FILIP1: variants seen among roughly 807,000 people sequenced by gnomAD.
FILIP1 encodes filamin-A-interacting protein 1.
A neutral mutation model predicts 102.1 loss-of-function variants in FILIP1; 61 were observed. The ratio of observed to expected loss-of-function variants is 0.60; its 90% CI spans 0.49 to 0.74. The LOEUF is 0.74. Ranked by LOEUF, FILIP1 falls within the 30% of genes least tolerant of loss-of-function variation. The pLI is 0.00. For missense variants in FILIP1, 1,314 were observed against 1,441.2 expected (o/e 0.91, Z 1.43); for synonymous variants, 491 against 526.9 (o/e 0.93, Z 0.93).
intron 1 of FILIP1, among the ~76,000 whole-genome samples, chr6:75,442,243 G>A (rs1002646342): frequency 9.2e-5 from 14 of 151,796 alleles, no homozygotes; most frequent in African/African-American, 3.1e-4. Context: ...GATGGTGGCC[G>A]GGCAGAGACG....
chr6:75,427,782 C>T (rs1223790652), intron 1 of FILIP1, among the ~76,000 whole-genome samples: 1 of 152,084 alleles, frequency 6.6e-6, no homozygotes, highest in Non-Finnish European at 1.5e-5. Context: ...GAAATGTGCC[C>T]CAAGCCCAAA....
At chr6:75,362,148 G>C (rs1314364647) in intron 3 of FILIP1, 1 of 152,152 alleles carries the variant, frequency 6.6e-6, no homozygotes, top group East Asian at 1.9e-4. Context: ...TCAAACTTCT[G>C]CTACAATGTG....
intron 1 of FILIP1, among the ~76,000 whole-genome samples, chr6:75,488,121 G>A (rs1203826391): frequency 6.6e-6 from 1 of 151,958 alleles, no homozygotes; most frequent in African/African-American, 2.4e-5. Flanking sequence ...CCAAAAATGG[G>A]AAAAAAACCC....
chr6:75,331,052 T>C (rs1320367101), intron 4 of FILIP1, among the ~76,000 whole-genome samples: 1 of 152,188 alleles, frequency 6.6e-6, no homozygotes, highest in Admixed American at 6.5e-5. Context: ...TTTCTTACTA[T>C]CAGGTAAGCA....
In FILIP1 at chr6:75,314,681, C is replaced by T. The variant is rs147080592; in HGVS notation, c.1151G>A (p.Arg384Gln). The change falls in exon 5 of 6, where the codon CGA (arginine) becomes CAA (glutamine). Residue 384 changes from arginine (R) to glutamine (Q), a missense_variant. Physicochemically the swap from Arg to Gln is conservative, Grantham distance 43. Around this residue, in one of 3 missense-constraint regions of FILIP1, gnomAD observed 494 missense variants for 511.2 expected, o/e 0.97. Coordinates refer to ENST00000237172, the MANE Select transcript of FILIP1 (RefSeq NM_015687.5). Reference sequence around the variant, plus strand: ...ACCTTCCATTTCAAGCACACGCTTTCGAAGATTTTCCACTTCTGCCATGAG... The same window carrying T: ...ACCTTCCATTTCAAGCACACGCTTTTGAAGATTTTCCACTTCTGCCATGAG... ...SSLMAEVENL[R>Q]KRVLEMEGKD... The T allele has an allele frequency of 2.4e-5, 38 of 1,613,688 alleles. No individual in the cohort carries two copies. Among genetic ancestry groups the T allele is most frequent in the Admixed American group, 8.3e-5 (5 of 59,932 alleles).
At chr6:75,421,507 A>G (rs1777464129) in intron 1 of FILIP1, among the ~76,000 whole-genome samples, 2 of 152,092 alleles carry the variant, frequency 1.3e-5, no homozygotes, top group Non-Finnish European at 2.9e-5. Flanking sequence ...CGGATCCCTC[A>G]AACTTGAGGC....
chr6:75,392,762 T>C (rs962646384), intron 2 of FILIP1, among the ~76,000 whole-genome samples: 3 of 152,156 alleles, frequency 2.0e-5, no homozygotes, highest in Admixed American at 2.0e-4. Flanking sequence ...GGTTGAATCA[T>C]GGGGGCAGGT....
chr6:75,332,086 A>G (rs1395474165), intron 4 of FILIP1, among the ~76,000 whole-genome samples: 2 of 152,086 alleles, frequency 1.3e-5, no homozygotes, highest in Non-Finnish European at 2.9e-5. Flanking sequence ...CTGTGAGAAA[A>G]AAAGATTTTG....
intron 1 of FILIP1, among the ~76,000 whole-genome samples, chr6:75,436,919 T>C (rs900574589): frequency 6.6e-6 from 1 of 152,160 alleles, no homozygotes; most frequent in Non-Finnish European, 1.5e-5. Flanking sequence ...GCTACCAGCA[T>C]GACATTACTG....
intron 1 of FILIP1, among the ~76,000 whole-genome samples, chr6:75,446,838 G>T (rs1417214697): frequency 6.6e-6 from 1 of 152,126 alleles, no homozygotes; most frequent in African/African-American, 2.4e-5. Context: ...TGGGGAGTTG[G>T]ATTTTTTACA....
At chr6:75,407,731 C>G (rs1776923675) in intron 2 of FILIP1, among the ~76,000 whole-genome samples, 1 of 151,972 alleles carries the variant, frequency 6.6e-6, no homozygotes, top group Non-Finnish European at 1.5e-5. Context: ...TATACACAGG[C>G]AGAAGGGAGC....
chr6:75,370,521 T>C (rs1028381935), intron 2 of FILIP1, among the ~76,000 whole-genome samples: 4 of 151,454 alleles, frequency 2.6e-5, no homozygotes, highest in African/African-American at 7.3e-5. Flanking sequence ...TTTGTCAACC[T>C]CTTTACTCTT....
intron 1 of FILIP1, among the ~76,000 whole-genome samples, chr6:75,479,303 G>C (rs542406888): frequency 1.3e-5 from 2 of 152,058 alleles, no homozygotes; most frequent in East Asian, 3.9e-4. Flanking sequence ...TTTTTCTTCT[G>C]ATTATAAGGA....
chr6:75,435,183 C>T (rs187072484), intron 1 of FILIP1, among the ~76,000 whole-genome samples: 13 of 152,162 alleles, frequency 8.5e-5, no homozygotes, highest in Non-Finnish European at 1.8e-4. Context: ...TTTGGTATCA[C>T]GATAATGCTG....
At position 75,362,855 on chromosome 6, in the gene FILIP1, A is replaced by G; in HGVS notation, c.339T>C (p.Ala113=). The change falls in exon 3 of 6, where the codon GCT becomes GCC. Residue 113 remains alanine (A), a synonymous_variant. Coordinates refer to ENST00000237172, the MANE Select transcript of FILIP1 (RefSeq NM_015687.5). ...TEKTKPEVLE[A]HYGSAEPEKV... ...TCTCTGGCTCCGCAGACCCGTAATG[A>G]GCCTCCAGAACCTCAGGCTTGGTTT... 3.1e-6 allele frequency: 5 copies of G among 1,613,968 alleles called. No individual in the cohort carries two copies. The East Asian group carries it at 1.1e-4, about 36-fold the overall frequency.
rs1453004781 is a variant in FILIP1, at chr6:75,450,184, C to G, written c.-6-35206G>C. Among the ~76,000 whole-genome samples, 3 of 152,056 alleles carry G rather than the reference C, an allele frequency of 2.0e-5. 1 individual carries two copies. The highest frequency in any genetic ancestry group is 4.4e-5 in the Non-Finnish European group (3 of 67,996). On this transcript the variant is annotated intron_variant, in intron 1 of 5. Coordinates refer to ENST00000237172, the MANE Select transcript of FILIP1 (RefSeq NM_015687.5). ...CGGGTGGAGGGATCTTGCTATGTTG[C>G]CCAAGCTGCTCTTGAACTCCTGGCC...
chr6:75,424,238 AT>A (rs1188884807), intron 1 of FILIP1, among the ~76,000 whole-genome samples: 1 of 152,180 alleles, frequency 6.6e-6, no homozygotes, highest in African/African-American at 2.4e-5. Flanking sequence ...ATACAAATGC[AT>A]TTACAGTCAC....
chr6:75,433,080 A>T (rs1478483483), intron 1 of FILIP1, among the ~76,000 whole-genome samples: 1 of 152,148 alleles, frequency 6.6e-6, no homozygotes, highest in African/African-American at 2.4e-5. Flanking sequence ...TCTATCACTG[A>T]TGGACATTTG....
Position 75,312,474 on chromosome 6 carries a change from GC to G in FILIP1, c.3357del (p.Pro1120LeufsTer6). ...LRSPRNHLSS[R>X]PGASKVTSTI... is the part of the protein sequence containing the mutation. ...GTGCTCGTCACTTTGCTTGCACCAG[GC>G]CGTGAGGAGAGGTGATTCCTGGGAG... On this transcript the variant is annotated frameshift_variant, in exon 5 of 6. Transcript: ENST00000237172. LOFTEE classifies it high-confidence loss of function. 1 of 1,614,174 alleles carries G rather than the reference GC, an allele frequency of 6.2e-7. No individual in the cohort carries two copies. The highest frequency in any genetic ancestry group is 1.1e-5 in the South Asian group (1 of 91,088).
Sources: allele counts gnomAD v4.1 joint callset (sites outside exome capture counted in the v4.1 genomes callset), GRCh38; gene constraint gnomAD v4.1.1; regional missense constraint gnomAD v4.1.1; transcripts MANE v1.5; gene names NCBI Gene and HGNC (gene_info 2026-07-23, HGNC 2026-07-21).